Variants in PIBF1 observed in about 807,000 individuals in gnomAD.
PIBF1 encodes progesterone-induced-blocking factor 1.
PIBF1 carries 90 observed loss-of-function variants against 112.5 expected under a neutral mutation model. The observed-to-expected ratio is 0.80, with a 90% CI of 0.67 to 0.95. The LOEUF (loss-of-function observed/expected upper bound fraction) is 0.95. Among genes scored for constraint, PIBF1 ranks in the 40% least tolerant of loss-of-function variants. PIBF1 has a pLI of 0.00. For synonymous variants in PIBF1, 301 were observed against 288.6 expected (o/e 1.04, Z -0.44); for missense variants, 915 against 852.3 (o/e 1.07, Z -0.92).
rs190411910 is a variant in PIBF1 at position 72,896,428 on chromosome 13, C to T, written c.1488+2479C>T. Among the ~76,000 whole-genome samples the T allele has an allele frequency of 9.9e-5, 15 of 152,178 alleles. No homozygotes were observed. In the East Asian group the frequency reaches 2.5e-3, roughly 26 times the overall value. The stretch of plus-strand genomic sequence containing the variant: ...ACCCTCCAAAAATCACACTAGTTCA[C>T]CAGCAGTGGATCCAAACCAAGAAAT... On this transcript the variant is annotated intron_variant, in intron 11 of 17. Coordinates refer to ENST00000326291, the MANE Select transcript of PIBF1 (RefSeq NM_006346.4).
chr13:72,904,388 A>G (rs2040606065), intron 11 of PIBF1, among the ~76,000 whole-genome samples: 1 of 141,920 alleles, frequency 7.0e-6, no homozygotes, highest in Admixed American at 7.1e-5. Flanking sequence ...TTGGAAATAC[A>G]TGTGTTGCAT....
chr13:72,990,476 G>C (rs1479435010), intron 16 of PIBF1, among the ~76,000 whole-genome samples: 2 of 138,548 alleles, frequency 1.4e-5, no homozygotes, highest in South Asian at 2.4e-4. Context: ...AGCCAAGATC[G>C]TGCCACTACA....
rs373984376 is a variant in PIBF1 at position 72,832,299 on chromosome 13, C to T, written c.1098-2944C>T. On this transcript the variant is annotated intron_variant, in intron 8 of 17. Transcript: ENST00000326291. ...AATATTGTTATGTGTGAATTTGATC[C>T]GGTCATTATGATGCTAGCTGGTTGT... 5.0e-4 allele frequency among the ~76,000 whole-genome samples: 76 copies of T among 151,898 alleles called. 1 individual carries two copies. Among genetic ancestry groups the T allele is most frequent in the African/African-American group, 1.8e-3 (75 of 41,426 alleles).
intron 13 of PIBF1, among the ~76,000 whole-genome samples, chr13:72,927,515 T>G (rs545671468): frequency 6.6e-5 from 10 of 151,972 alleles, no homozygotes; most frequent in South Asian, 4.2e-4. Context: ...AAATAAAAAT[T>G]AAAATAAAAA....
intron 11 of PIBF1, among the ~76,000 whole-genome samples, chr13:72,895,970 C>T (rs1466942313): frequency 2.6e-5 from 4 of 152,132 alleles, no homozygotes; most frequent in Non-Finnish European, 4.4e-5. Flanking sequence ...CTTCAGTTTT[C>T]GTGGGAACTG....
At chr13:72,943,638 C>T (rs963072274) in intron 14 of PIBF1, among the ~76,000 whole-genome samples, 2 of 152,162 alleles carry the variant, frequency 1.3e-5, no homozygotes, top group African/African-American at 4.8e-5. Flanking sequence ...TTCTCATCCT[C>T]ATCTTCTGTC....
At chr13:72,843,123 T>C (rs1594030645) in intron 9 of PIBF1, among the ~76,000 whole-genome samples, 1 of 152,044 alleles carries the variant, frequency 6.6e-6, no homozygotes, top group Non-Finnish European at 1.5e-5. Context: ...TTTCCAGAGG[T>C]TTTATAGTAG....
chr13:72,895,592 T>TA (rs59715467), intron 11 of PIBF1, among the ~76,000 whole-genome samples: 49 of 152,224 alleles, frequency 3.2e-4, no homozygotes, highest in Non-Finnish European at 4.3e-4. Context: ...CTTTTTTTTT[T>TA]ACCTTTAGAT....
intron 12 of PIBF1, among the ~76,000 whole-genome samples, chr13:72,914,545 T>C (rs769145623): frequency 2.0e-5 from 3 of 152,158 alleles, no homozygotes; most frequent in African/African-American, 4.8e-5. Flanking sequence ...TTCTGGATAA[T>C]CTTTTCCCTT....
chr13:72,941,606 A>G (rs2042009750), intron 14 of PIBF1, among the ~76,000 whole-genome samples: 1 of 152,214 alleles, frequency 6.6e-6, no homozygotes, highest in Non-Finnish European at 1.5e-5. Context: ...TAATTTCAGG[A>G]AGCTTGTCTA....
At chr13:72,929,351 ACTT>A (rs1381736861) in intron 13 of PIBF1, among the ~76,000 whole-genome samples, 1 of 152,184 alleles carries the variant, frequency 6.6e-6, no homozygotes, top group Non-Finnish European at 1.5e-5. Context: ...ATTAGAGAGA[ACTT>A]AGTATATTTT....
At chr13:72,897,649 G>A (rs1173102720) in intron 11 of PIBF1, among the ~76,000 whole-genome samples, 5 of 152,144 alleles carry the variant, frequency 3.3e-5, no homozygotes, top group African/African-American at 7.2e-5. Flanking sequence ...CACCAAAAGC[G>A]AGCAGGGGTA....
intron 10 of PIBF1, among the ~76,000 whole-genome samples, chr13:72,891,956 T>G (rs2040073508): frequency 6.6e-6 from 1 of 152,068 alleles, no homozygotes; most frequent in African/African-American, 2.4e-5. Context: ...TATGATTCCA[T>G]TAATACGAAA....
chr13:72,856,311 G>A (rs1368166155), intron 10 of PIBF1, among the ~76,000 whole-genome samples: 2 of 152,012 alleles, frequency 1.3e-5, no homozygotes, highest in African/African-American at 2.4e-5. Flanking sequence ...TCTTTCCAAC[G>A]AATTTTTCAC....
chr13:72,858,720 T>C (rs2038557630), intron 10 of PIBF1, among the ~76,000 whole-genome samples: 1 of 152,168 alleles, frequency 6.6e-6, no homozygotes. Flanking sequence ...TTTGTGTGTT[T>C]TTAATTAAAT....
intron 14 of PIBF1, among the ~76,000 whole-genome samples, chr13:72,958,833 A>C (rs992228028): frequency 6.6e-6 from 1 of 152,188 alleles, no homozygotes; most frequent in African/African-American, 2.4e-5. Flanking sequence ...TTTACGTACT[A>C]ATTTGGATGG....
chr13:72,952,004 TC>T (rs1303498622), intron 14 of PIBF1, among the ~76,000 whole-genome samples: 2 of 151,372 alleles, frequency 1.3e-5, no homozygotes, highest in Non-Finnish European at 1.5e-5. Context: ...AGCTTTAATT[TC>T]TTTTAATTTC....
intron 5 of PIBF1, among the ~76,000 whole-genome samples, chr13:72,817,614 A>G (rs1593963920): frequency 6.6e-6 from 1 of 152,180 alleles, no homozygotes; most frequent in Admixed American, 6.5e-5. Context: ...ATGGCTGCCC[A>G]CAGCACATGT....
intron 11 of PIBF1, among the ~76,000 whole-genome samples, chr13:72,895,232 C>T (rs1202577726): frequency 1.3e-5 from 2 of 151,060 alleles, no homozygotes; most frequent in Admixed American, 6.6e-5. Context: ...AAAAATAAAA[C>T]CTGAATTTGT....
Sources: gnomAD v4.1 joint callset for allele counts (sites outside exome capture counted in the v4.1 genomes callset) on GRCh38, gnomAD v4.1.1 for gene constraint, MANE v1.5 for transcripts, NCBI Gene and HGNC (gene_info 2026-07-23, HGNC 2026-07-21) for gene names.